The following RNGTT variants were observed in gnomAD, a reference collection of about 807,000 sequenced individuals.
The protein encoded by RNGTT is RNA guanylyltransferase and 5'-phosphatase.
In RNGTT, 33 loss-of-function variants were observed where a neutral mutation model predicts 79.3. That is an observed-to-expected ratio of 0.42 (90% confidence interval 0.32 to 0.56). RNGTT has a LOEUF of 0.56. Among genes scored for constraint, RNGTT ranks in the 20% least tolerant of loss-of-function variants. The pLI is 0.17. For synonymous variants in RNGTT, 222 were observed against 235.9 expected, an observed-to-expected ratio of 0.94 and a Z score of 0.54; for missense variants, 497 against 739.1, an observed-to-expected ratio of 0.67 and a Z score of 3.80.
chr6:88,797,625 A>G (rs1042262573), intron 12 of RNGTT, among the ~76,000 whole-genome samples: 22 of 152,212 alleles, frequency 1.4e-4, no homozygotes, highest in Non-Finnish European at 2.5e-4. Flanking sequence ...AAATATTAAT[A>G]ATTATAATAA....
In RNGTT at chr6:88,620,773, C is replaced by G. The variant is rs577193907; in HGVS notation, c.1507-6378G>C. ...AATATTTTACATTTTTAGGGAAAGA[C>G]AGTGACAGGAGTTGGACACCATAAA... On this transcript the variant is annotated intron_variant, in intron 14 of 15. Transcript: ENST00000369485. Among the ~76,000 whole-genome samples, 4 of 152,262 alleles carry G rather than the reference C, an allele frequency of 2.6e-5. No homozygotes were observed. In the East Asian group the frequency reaches 7.7e-4, roughly 29 times the overall value.
At chr6:88,696,429 T>C (rs1775671408) in intron 13 of RNGTT, among the ~76,000 whole-genome samples, 2 of 152,166 alleles carry the variant, frequency 1.3e-5, no homozygotes, top group South Asian at 2.1e-4. Flanking sequence ...CTACCTAACT[T>C]GTTATCTAAT....
intron 14 of RNGTT, among the ~76,000 whole-genome samples, chr6:88,621,334 T>C (rs560849842): frequency 6.6e-6 from 1 of 152,278 alleles, no homozygotes; most frequent in African/African-American, 2.4e-5. Flanking sequence ...TCTTCATTGG[T>C]TGTACCAGTT....
chr6:88,793,466 T>C (rs1012103122), intron 12 of RNGTT, among the ~76,000 whole-genome samples: 1 of 152,246 alleles, frequency 6.6e-6, no homozygotes, highest in Non-Finnish European at 1.5e-5. Flanking sequence ...AAGCTGACCA[T>C]GTCCACTGAT....
chr6:88,957,408 T>G (rs1213140782), intron 1 of RNGTT, among the ~76,000 whole-genome samples: 2 of 152,144 alleles, frequency 1.3e-5, no homozygotes, highest in African/African-American at 2.4e-5. Context: ...GCATCCAAAT[T>G]GGTAAAGAGG....
chr6:88,934,444 CTG>C lies in RNGTT; in HGVS notation c.175-5179_175-5178del, dbSNP rs59459130. Among the ~76,000 whole-genome samples the C allele has an allele frequency of 1.8e-3, 280 of 152,174 alleles. 1 individual carries two copies. The highest frequency in any genetic ancestry group is 6.6e-3 in the African/African-American group (274 of 41,538). On this transcript the variant is annotated intron_variant, in intron 2 of 15. Transcript: ENST00000369485. Reference sequence around the variant, plus strand: ...TTTTTTTCAGCATTTTTTCATATATCTGTTGGCCATTTGTATGTCCTCTTTTG... The same window carrying C: ...TTTTTTTCAGCATTTTTTCATATATCTTGGCCATTTGTATGTCCTCTTTTG...
At chr6:88,777,477 A>T (rs917313061) in intron 12 of RNGTT, among the ~76,000 whole-genome samples, 1 of 152,194 alleles carries the variant, frequency 6.6e-6, no homozygotes, top group South Asian at 2.1e-4. Flanking sequence ...ATTCATTAAC[A>T]TGGAATATCT....
At chr6:88,908,718 G>A (rs374680271) in intron 4 of RNGTT, among the ~76,000 whole-genome samples, 2 of 152,190 alleles carry the variant, frequency 1.3e-5, no homozygotes, top group African/African-American at 4.8e-5. Context: ...CATCCTCCAA[G>A]GCTCTCCAGC....
chr6:88,685,152 A>G (rs1388903473), intron 13 of RNGTT, among the ~76,000 whole-genome samples: 1 of 152,164 alleles, frequency 6.6e-6, no homozygotes, highest in East Asian at 1.9e-4. Context: ...AAAGGAACAA[A>G]TGGATGTTGC....
intron 14 of RNGTT, among the ~76,000 whole-genome samples, chr6:88,667,263 C>G (rs1165506139): frequency 1.3e-5 from 2 of 152,164 alleles, no homozygotes; most frequent in Non-Finnish European, 2.9e-5. Context: ...ATCTGGTTAC[C>G]AGACAGAAGA....
intron 14 of RNGTT, among the ~76,000 whole-genome samples, chr6:88,623,472 G>A (rs1311203209): frequency 6.6e-6 from 1 of 151,958 alleles, no homozygotes; most frequent in East Asian, 1.9e-4. Context: ...AGATCTTGGT[G>A]TCCTCCTGAT....
rs34263662 is a variant in RNGTT at position 88,677,979 on chromosome 6, C to CTT, written c.1506+372_1506+373dup. ...TTATGAAATTATCACCTCACATTCA[C>CTT]TTTTTTTTTTTTTTTTTTTTTTTTG... On this transcript the variant is annotated intron_variant, in intron 14 of 15. Transcript: ENST00000369485. 9.0e-3 allele frequency: 684 copies of CTT among 76,308 alleles called. 2 individuals carry two copies. Among genetic ancestry groups the CTT allele is most frequent in the East Asian group, 0.012 (38 of 3,292 alleles). 4.7% of individuals were successfully genotyped at this position (76,308 alleles called of 1,614,324 possible).
Position 88,930,124 on chromosome 6 carries a change from AC to A in RNGTT, c.175-858del, listed in dbSNP as rs1436842218. Among the ~76,000 whole-genome samples, 4 of 141,282 alleles carry A rather than the reference AC, an allele frequency of 2.8e-5. No homozygotes were observed. The South Asian group carries it at 6.4e-4, about 23-fold the overall frequency. The allele number at this position is 141,282 out of a possible 152,430, so 92.7% of individuals were successfully genotyped here. ...TATACATATACGTGTATACATATAT[AC>A]ACGTATACATACATATACATATACG... On this transcript the variant is annotated intron_variant, in intron 2 of 15. Coordinates refer to ENST00000369485, the MANE Select transcript of RNGTT (RefSeq NM_003800.5).
chr6:88,613,818 TA>T (rs1407015550), intron 15 of RNGTT, among the ~76,000 whole-genome samples: 10 of 152,248 alleles, frequency 6.6e-5, no homozygotes, highest in African/African-American at 2.4e-4. Context: ...AAGAATAGCA[TA>T]GCAGATTTTG....
At chr6:88,917,790 G>A (rs536520525) in intron 4 of RNGTT, among the ~76,000 whole-genome samples, 9 of 152,282 alleles carry the variant, frequency 5.9e-5, no homozygotes, top group Non-Finnish European at 1.3e-4. Context: ...GGGAGGCTGC[G>A]GCAGGAGAAT....
chr6:88,812,524 C>T (rs1198530677), intron 11 of RNGTT, among the ~76,000 whole-genome samples: 1 of 152,210 alleles, frequency 6.6e-6, no homozygotes, highest in Non-Finnish European at 1.5e-5. Flanking sequence ...GTGACAACCA[C>T]TGTGTTAAGT....
At chr6:88,885,268 G>C (rs1044354129) in intron 8 of RNGTT, among the ~76,000 whole-genome samples, 2 of 152,112 alleles carry the variant, frequency 1.3e-5, no homozygotes, top group African/African-American at 4.8e-5. Flanking sequence ...TCCAGGGCTG[G>C]GGTAGGAAAA....
intron 10 of RNGTT, among the ~76,000 whole-genome samples, chr6:88,848,549 A>G (rs1781562567): frequency 6.6e-6 from 1 of 152,140 alleles, no homozygotes; most frequent in Non-Finnish European, 1.5e-5. Flanking sequence ...CTAAATCTAG[A>G]CATATTAGTA....
rs145568015 is a variant in RNGTT, at chr6:88,678,386, A to G, written c.1473T>C (p.Val491=). 1.3e-6 allele frequency: 2 copies of G among 1,494,094 alleles called. No individual in the cohort carries two copies. Among genetic ancestry groups the G allele is most frequent in the Non-Finnish European group, 1.8e-6 (2 of 1,115,836 alleles). 92.6% of individuals were successfully genotyped at this position (1,494,094 alleles called of 1,614,324 possible). A position where few individuals can be genotyped will look rare whatever the true frequency, so the allele number is the denominator to read the frequency against. Residue 491 remains valine, a synonymous_variant, in exon 14 of 16, where the codon GTT becomes GTC. Coordinates refer to ENST00000369485, the MANE Select transcript of RNGTT (RefSeq NM_003800.5). ...LLPQNVGLLY[V]GGYERPFAQI... is the part of the protein sequence containing the mutation. ...GTGCAAAGGGTCTTTCATAACCTCC[A>G]ACATACAGGAGGCCAACATTCTGAG...
Sources: gnomAD v4.1 joint callset for allele counts (sites outside exome capture counted in the v4.1 genomes callset) on GRCh38, gnomAD v4.1.1 for gene constraint, MANE v1.5 for transcripts, NCBI Gene and HGNC (gene_info 2026-07-23, HGNC 2026-07-21) for gene names.